Variants in IQGAP2 observed in about 807,000 individuals in gnomAD.
The protein encoded by IQGAP2 is ras GTPase-activating-like protein IQGAP2.
Under a neutral mutation model 201.3 loss-of-function variants are expected in IQGAP2, and 173 were observed. The ratio of observed to expected loss-of-function variants is 0.86; its 90% CI spans 0.76 to 0.98. The LOEUF (loss-of-function observed/expected upper bound fraction) is 0.98. Ranked by LOEUF, IQGAP2 falls within the 50% of genes least tolerant of loss-of-function variation. The pLI is 0.00. For missense variants in IQGAP2, 1,687 were observed against 1,864.8 expected (o/e 0.90, Z 1.76); for synonymous variants, 675 against 673.9 (o/e 1.00, Z -0.03).
intron 15 of IQGAP2, among the ~76,000 whole-genome samples, chr5:76,635,872 G>A (rs1273081947): frequency 6.6e-6 from 1 of 151,894 alleles, no homozygotes; most frequent in African/African-American, 2.4e-5. Flanking sequence ...GAGGAGGGTA[G>A]GGGGAGGGAA....
intron 1 of IQGAP2, among the ~76,000 whole-genome samples, chr5:76,433,765 A>G (rs1193855770): frequency 2.0e-5 from 3 of 151,990 alleles, no homozygotes; most frequent in Non-Finnish European, 4.4e-5. Flanking sequence ...GAGATCGGTG[A>G]ATATCAGAAC....
intron 5 of IQGAP2, among the ~76,000 whole-genome samples, chr5:76,585,910 G>A (rs151056427): frequency 4.3e-4 from 65 of 152,054 alleles, no homozygotes; most frequent in African/African-American, 1.3e-3. Flanking sequence ...TAATTTTGTC[G>A]TTCCCATTAC....
intron 2 of IQGAP2, among the ~76,000 whole-genome samples, chr5:76,539,044 A>T (rs1253756890): frequency 3.3e-5 from 5 of 152,202 alleles, no homozygotes; most frequent in African/African-American, 1.2e-4. Flanking sequence ...TGCAAAGGAC[A>T]GCAGTGTCCC....
chr5:76,652,940 G>T, intron 18 of IQGAP2, 107 bp downstream of exon 18: 1 of 724,468 alleles, frequency 1.4e-6, no homozygotes. Context: ...TGTGAGCCTT[G>T]AAGTCAGAAG....
At chr5:76,438,205 C>T (rs1157022521) in intron 1 of IQGAP2, among the ~76,000 whole-genome samples, 3 of 151,830 alleles carry the variant, frequency 2.0e-5, no homozygotes, top group Admixed American at 6.6e-5. Flanking sequence ...AGCTGTAATC[C>T]ATCTGGCCCT....
At chr5:76,431,296 A>G (rs1426102044) in intron 1 of IQGAP2, among the ~76,000 whole-genome samples, 1 of 151,956 alleles carries the variant, frequency 6.6e-6, no homozygotes, top group Non-Finnish European at 1.5e-5. Context: ...TTTAAAATAC[A>G]TTAAATTTAA....
intron 1 of IQGAP2, among the ~76,000 whole-genome samples, chr5:76,404,075 G>A (rs1255501731): frequency 2.6e-5 from 4 of 152,236 alleles, no homozygotes; most frequent in Admixed American, 2.6e-4. Context: ...TTGACTGGAA[G>A]GGCGGGAGTC....
intron 17 of IQGAP2, among the ~76,000 whole-genome samples, chr5:76,649,920 G>A (rs1752379182): frequency 6.6e-6 from 1 of 152,220 alleles, no homozygotes; most frequent in Admixed American, 6.5e-5. Context: ...GCACCCACAG[G>A]CTTAACATGA....
intron 2 of IQGAP2, among the ~76,000 whole-genome samples, chr5:76,524,381 A>G (rs1036536834): frequency 6.6e-6 from 1 of 152,212 alleles, no homozygotes; most frequent in Non-Finnish European, 1.5e-5. Flanking sequence ...TTAAATAACA[A>G]TTTAGGGACT....
chr5:76,640,980 G>A lies in IQGAP2; in HGVS notation c.1971G>A (p.Trp657Ter). The change falls in exon 17 of 36, where the codon TGG becomes TGA. Residue 657 changes from tryptophan (W) to a stop codon, truncating the protein, a stop_gained. Transcript: ENST00000274364. LOFTEE classifies it high-confidence loss of function. The stretch of plus-strand genomic sequence containing the variant: ...TAGGTTACATTCGTGAGAATATATG[G>A]TCTGCTTCAGAAGAGTTGCTTCTTC... ...VTVGYIRENIWSASEELLLRF... is the reference protein window; with the variant it reads ...VTVGYIRENI 1.9e-6 allele frequency: 3 copies of A among 1,607,544 alleles called. No homozygotes were observed. The highest frequency in any genetic ancestry group is 1.1e-5 in the South Asian group (1 of 90,888).
intron 17 of IQGAP2, among the ~76,000 whole-genome samples, chr5:76,652,304 C>T (rs1752579192): frequency 6.6e-6 from 1 of 152,208 alleles, no homozygotes; most frequent in Non-Finnish European, 1.5e-5. Flanking sequence ...GAGCATCCTC[C>T]TTTCCAGTCG....
At chr5:76,519,293 T>G (rs1758528502) in intron 2 of IQGAP2, among the ~76,000 whole-genome samples, 1 of 152,232 alleles carries the variant, frequency 6.6e-6, no homozygotes, top group African/African-American at 2.4e-5. Flanking sequence ...GAATATCACA[T>G]GAATGGATTC....
intron 10 of IQGAP2, among the ~76,000 whole-genome samples, chr5:76,600,134 G>A (rs1180805772): frequency 6.6e-6 from 1 of 151,984 alleles, no homozygotes; most frequent in Non-Finnish European, 1.5e-5. Context: ...GGCAACAAGA[G>A]CCAAACTCCA....
intron 2 of IQGAP2, among the ~76,000 whole-genome samples, chr5:76,558,963 C>T (rs1023180906): frequency 1.1e-4 from 16 of 152,058 alleles, no homozygotes; most frequent in Admixed American, 9.8e-4. Context: ...TGCAGTGGCG[C>T]GATCTCGGCT....
At chr5:76,691,642 T>C (rs1746273362) in intron 30 of IQGAP2, 1 of 152,102 alleles carries the variant, frequency 6.6e-6, no homozygotes, top group African/African-American at 2.4e-5. Context: ...TATTTAGCTG[T>C]GCATTCCCAG....
chr5:76,437,936 C>T, intron 1 of IQGAP2, among the ~76,000 whole-genome samples: 1 of 148,422 alleles, frequency 6.7e-6, no homozygotes. Context: ...TTTTGATGTG[C>T]CGTTGGATTT....
chr5:76,570,951 C>T (rs572590202), intron 4 of IQGAP2, among the ~76,000 whole-genome samples: 1 of 152,010 alleles, frequency 6.6e-6, no homozygotes, highest in Non-Finnish European at 1.5e-5. Context: ...TCTTGTGTTG[C>T]TATTTGTACA....
At chr5:76,415,660 G>A (rs1751365136) in intron 1 of IQGAP2, among the ~76,000 whole-genome samples, 2 of 152,206 alleles carry the variant, frequency 1.3e-5, no homozygotes, top group Admixed American at 1.3e-4. Flanking sequence ...TTGTGAAAGG[G>A]GCCAGGCACA....
chr5:76,580,691 G>C (rs1344184517), intron 5 of IQGAP2, among the ~76,000 whole-genome samples: 2 of 152,016 alleles, frequency 1.3e-5, no homozygotes, highest in African/African-American at 4.8e-5. Context: ...GATTGTTTCA[G>C]CTTGGTCAGT....
Sources: gnomAD v4.1 joint callset for allele counts (sites outside exome capture counted in the v4.1 genomes callset) on GRCh38, gnomAD v4.1.1 for gene constraint, MANE v1.5 for transcripts, NCBI Gene and HGNC (gene_info 2026-07-23, HGNC 2026-07-21) for gene names.